The following ACAP2 variants were observed in gnomAD, a reference collection of about 807,000 sequenced individuals.
ACAP2 encodes the protein ArfGAP with coiled-coil, ankyrin repeat and PH domains 2, also known as arf-GAP with coiled-coil, ANK repeat and PH domain-containing protein 2.
A neutral mutation model predicts 115.8 loss-of-function variants in ACAP2; 39 were observed. That is an observed-to-expected ratio of 0.34 (90% CI 0.26 to 0.44). ACAP2 has a LOEUF of 0.44. Ranked by LOEUF, ACAP2 falls within the 20% of genes least tolerant of loss-of-function variation. ACAP2 has a pLI of 1.00. For synonymous variants in ACAP2, 289 were observed against 315.8 expected (o/e 0.92, Z 0.90); for missense variants, 662 against 927.6 (o/e 0.71, Z 3.72).
intron 4 of ACAP2, among the ~76,000 whole-genome samples, chr3:195,358,786 G>C (rs967122009): frequency 5.3e-5 from 8 of 151,968 alleles, no homozygotes; most frequent in Non-Finnish European, 8.8e-5. Context: ...TTATTCGAAA[G>C]GATAGTAACA....
At chr3:195,367,164 C>A (rs1732786224) in intron 4 of ACAP2, among the ~76,000 whole-genome samples, 1 of 152,024 alleles carries the variant, frequency 6.6e-6, no homozygotes, top group African/African-American at 2.4e-5. Flanking sequence ...TCAGAAACAC[C>A]TGGAAGGCTT....
intron 2 of ACAP2, among the ~76,000 whole-genome samples, chr3:195,382,355 A>G (rs1164298201): frequency 6.6e-6 from 1 of 152,010 alleles, no homozygotes; most frequent in African/African-American, 2.4e-5. Flanking sequence ...TAAAGTGATT[A>G]ATCAACCATG....
intron 11 of ACAP2, 24 bp downstream of exon 11, chr3:195,308,762 G>A (rs753606017): frequency 2.5e-6 from 4 of 1,588,134 alleles, no homozygotes; most frequent in South Asian, 2.3e-5. Context: ...GTAACTCACT[G>A]GGGTTTCATT....
intron 1 of ACAP2, among the ~76,000 whole-genome samples, chr3:195,438,148 C>T (rs528587174): frequency 1.5e-4 from 23 of 151,418 alleles, no homozygotes; most frequent in African/African-American, 5.6e-4. Context: ...GCCTCAGCCT[C>T]CCGAGTAGCT....
intron 6 of ACAP2, 126 bp from the exon 7 acceptor site, chr3:195,337,102 G>T: frequency 1.3e-6 from 1 of 782,982 alleles, no homozygotes; most frequent in Non-Finnish European, 2.0e-6. Context: ...CAAAGCTCAA[G>T]CTTTTTCATC....
chr3:195,387,699 G>A (rs189834700), intron 2 of ACAP2, among the ~76,000 whole-genome samples: 3 of 151,998 alleles, frequency 2.0e-5, no homozygotes, highest in Admixed American at 6.6e-5. Context: ...CAAGTGATTC[G>A]CCTGCCTCGG....
chr3:195,402,072 C>T (rs115388297), intron 1 of ACAP2, among the ~76,000 whole-genome samples: 3,218 of 152,200 alleles, frequency 0.021, 104 homozygotes, highest in African/African-American at 0.072. Context: ...TCAAACAGAG[C>T]GCCTGACATT....
At chr3:195,289,044 A>G (rs1167014468) in intron 21 of ACAP2, 77 bp downstream of exon 21, 2 of 1,145,690 alleles carry the variant, frequency 1.7e-6, no homozygotes, top group Admixed American at 4.3e-5. Flanking sequence ...GGGTCCTGGA[A>G]CTAATTCACT....
chr3:195,378,089 A>AGGAGGAGGAAGGGAAGAAGC (rs1553862129), intron 4 of ACAP2, among the ~76,000 whole-genome samples: 8 of 148,986 alleles, frequency 5.4e-5, no homozygotes, highest in African/African-American at 2.1e-4. Context: ...GGAGGAAGGG[A>AGGAGGAGGAAGGGAAGAAGC]GGAGGAGGAA....
At chr3:195,402,409 G>C (rs1003256387) in intron 1 of ACAP2, among the ~76,000 whole-genome samples, 10 of 151,822 alleles carry the variant, frequency 6.6e-5, no homozygotes, top group African/African-American at 2.4e-4. Context: ...AAAAATAAAA[G>C]AATAAAGAAC....
chr3:195,333,184 T>TTATA lies in ACAP2; in HGVS notation c.574-62_574-61insTATA, dbSNP rs1485665806. 1.5e-5 allele frequency: 12 copies of TTATA among 791,434 alleles called. No individual in the cohort carries two copies. In the African/African-American group the frequency reaches 2.0e-4, roughly 13 times the overall value. The allele number at this position is 791,434 out of a possible 1,614,324, so 49.0% of individuals were successfully genotyped here. ...ATTCCTAGATAGACATTCTGAAATA[T>TTATA]TACATATATATATAAAAATATATAA... On this transcript the variant is annotated intron_variant, in intron 7 of 22. Coordinates refer to ENST00000326793, the MANE Select transcript of ACAP2 (RefSeq NM_012287.6).
intron 4 of ACAP2, among the ~76,000 whole-genome samples, chr3:195,357,415 A>G (rs1287874345): frequency 6.6e-6 from 1 of 152,208 alleles, no homozygotes; most frequent in Non-Finnish European, 1.5e-5. Context: ...CCGAAGGGAA[A>G]TACACAAGAA....
chr3:195,371,449 T>C (rs1733134918), intron 4 of ACAP2, among the ~76,000 whole-genome samples: 1 of 152,164 alleles, frequency 6.6e-6, no homozygotes, highest in East Asian at 1.9e-4. Flanking sequence ...TGAAGGAGTT[T>C]TGGGGCTGAG....
At chr3:195,385,373 A>C (rs1734231612) in intron 2 of ACAP2, among the ~76,000 whole-genome samples, 1 of 150,448 alleles carries the variant, frequency 6.6e-6, no homozygotes, top group Admixed American at 6.7e-5. Flanking sequence ...TTGTTTTACT[A>C]AGAAACAAAC....
intron 1 of ACAP2, among the ~76,000 whole-genome samples, chr3:195,403,428 G>A (rs1253674172): frequency 6.6e-6 from 1 of 152,214 alleles, no homozygotes; most frequent in Non-Finnish European, 1.5e-5. Context: ...CTGCTACGTG[G>A]AGAAGACTGC....
chr3:195,341,990 A>C (rs1730908858), intron 6 of ACAP2, among the ~76,000 whole-genome samples: 1 of 152,080 alleles, frequency 6.6e-6, no homozygotes, highest in Non-Finnish European at 1.5e-5. Flanking sequence ...GAGACTCAGA[A>C]AGGGGGGAAG....
intron 13 of ACAP2, among the ~76,000 whole-genome samples, chr3:195,302,669 AAAG>A (rs1328682758): frequency 6.6e-6 from 1 of 152,238 alleles, no homozygotes; most frequent in Non-Finnish European, 1.5e-5. Flanking sequence ...TATAAATAGT[AAAG>A]AAGAGATCAA....
intron 1 of ACAP2, among the ~76,000 whole-genome samples, chr3:195,398,111 A>G (rs1289884496): frequency 2.0e-5 from 3 of 152,138 alleles, no homozygotes; most frequent in Non-Finnish European, 4.4e-5. Context: ...CCTAACTTCA[A>G]TCTAGACTAG....
intron 10 of ACAP2, among the ~76,000 whole-genome samples, chr3:195,316,430 C>T (rs76195280): frequency 0.021 from 3,270 of 152,262 alleles, 114 homozygotes; most frequent in East Asian, 0.1. Flanking sequence ...CAGAGTCTCA[C>T]TGTGTCGCCC....
Sources: allele counts gnomAD v4.1 joint callset (sites outside exome capture counted in the v4.1 genomes callset), GRCh38; gene constraint gnomAD v4.1.1; transcripts MANE v1.5; gene names NCBI Gene and HGNC (gene_info 2026-07-23, HGNC 2026-07-21).